Variants in CATSPERT observed in about 807,000 individuals in gnomAD.
The protein encoded by CATSPERT is catsper channel auxiliary subunit tau.
chr2:201,491,541 C>G, the CATSPERT span: 2 of 1,536,566 alleles, frequency 1.3e-6, no homozygotes, highest in South Asian at 2.4e-5. Context: ...TATTTCCTTT[C>G]AATGTCTGAC....
the CATSPERT span, chr2:201,491,695 G>A: frequency 2.0e-6 from 3 of 1,537,030 alleles, no homozygotes; most frequent in Non-Finnish European, 1.7e-6. Context: ...TGGATACGAT[G>A]TTAATACTGC....
At chr2:201,594,074 C>T in the CATSPERT span, among the ~76,000 whole-genome samples, 2 of 152,204 alleles carry the variant, frequency 1.3e-5, no homozygotes, top group South Asian at 2.1e-4. Context: ...TTCCTAGCCT[C>T]GATGGTCTTT....
the CATSPERT span, chr2:201,556,183 A>G: frequency 6.6e-6 from 1 of 152,238 alleles, no homozygotes; most frequent in African/African-American, 2.4e-5. Flanking sequence ...TAAAGGATAC[A>G]AGTAATCCAT....
At chr2:201,492,458 T>A in the CATSPERT span, 1 of 1,533,264 alleles carries the variant, frequency 6.5e-7, no homozygotes, top group Non-Finnish European at 8.7e-7. Context: ...AAAGGATATT[T>A]CATGTTTATT....
At chr2:201,574,165 T>A in the CATSPERT span, 1 of 1,381,526 alleles carries the variant, frequency 7.2e-7, no homozygotes, top group Non-Finnish European at 9.9e-7. Flanking sequence ...ACGATTTGAC[T>A]GAAGAGTTAC....
At chr2:201,581,548 GTATATATATATATATATA>G in the CATSPERT span, among the ~76,000 whole-genome samples, 20 of 9,656 alleles carry the variant, frequency 2.1e-3, 1 homozygote, top group African/African-American at 2.2e-3. Flanking sequence ...AAAAATGTGT[GTATATATATATATATATA>G]TATATATATA....
chr2:201,603,275 C>A, the CATSPERT span: 1 of 1,609,554 alleles, frequency 6.2e-7, no homozygotes, highest in Non-Finnish European at 8.5e-7. Flanking sequence ...AGGCAGCCAA[C>A]CTACAACAAT....
At chr2:201,610,681 A>G in the CATSPERT span, among the ~76,000 whole-genome samples, 1 of 152,214 alleles carries the variant, frequency 6.6e-6, no homozygotes, top group Non-Finnish European at 1.5e-5. Flanking sequence ...CTATAGGTCA[A>G]TATCCCTAAT....
At chr2:201,580,635 C>T in the CATSPERT span, among the ~76,000 whole-genome samples, 1 of 152,058 alleles carries the variant, frequency 6.6e-6, no homozygotes, top group Non-Finnish European at 1.5e-5. Context: ...AATAGGAGTC[C>T]CTGCAATCTG....
At chr2:201,545,704 C>T in the CATSPERT span, 2 of 948,314 alleles carry the variant, frequency 2.1e-6, no homozygotes, top group Non-Finnish European at 2.9e-6. Context: ...ACATTTTCCT[C>T]TGCCTTCATA....
the CATSPERT span, among the ~76,000 whole-genome samples, chr2:201,581,328 C>G: frequency 6.7e-6 from 1 of 149,856 alleles, no homozygotes; most frequent in South Asian, 2.1e-4. Flanking sequence ...ATCCCTTGAG[C>G]CAGGGAGGCA....
At chr2:201,583,691 C>CA in the CATSPERT span, among the ~76,000 whole-genome samples, 1 of 151,998 alleles carries the variant, frequency 6.6e-6, no homozygotes, top group Non-Finnish European at 1.5e-5. Context: ...TCCTAGACCT[C>CA]AAAGAAGTTC....
chr2:201,612,496 C>G, the CATSPERT span, among the ~76,000 whole-genome samples: 1 of 151,644 alleles, frequency 6.6e-6, no homozygotes, highest in Admixed American at 6.6e-5. Flanking sequence ...ATCACTTGAA[C>G]CCGGGAGGCG....
the CATSPERT span, among the ~76,000 whole-genome samples, chr2:201,499,201 G>A: frequency 6.6e-6 from 1 of 152,132 alleles, no homozygotes; most frequent in Non-Finnish European, 1.5e-5. Context: ...AAGAACAAAT[G>A]GAACTAACTC....
At chr2:201,617,631 T>G in the CATSPERT span, among the ~76,000 whole-genome samples, 1 of 152,134 alleles carries the variant, frequency 6.6e-6, no homozygotes, top group African/African-American at 2.4e-5. Flanking sequence ...CCAATACCAT[T>G]CAGGATATAG....
the CATSPERT span, among the ~76,000 whole-genome samples, chr2:201,516,258 T>G: frequency 5.4e-4 from 82 of 152,330 alleles, no homozygotes; most frequent in African/African-American, 1.9e-3. Flanking sequence ...TGTATTAGTT[T>G]GTTTTCACAC....
the CATSPERT span, among the ~76,000 whole-genome samples, chr2:201,545,107 G>A: frequency 2.0e-5 from 3 of 151,958 alleles, no homozygotes; most frequent in East Asian, 1.9e-4. Flanking sequence ...GCAAGATCTC[G>A]GCTCACTGCA....
chr2:201,490,883 C>G, the CATSPERT span, among the ~76,000 whole-genome samples: 2 of 152,068 alleles, frequency 1.3e-5, no homozygotes, highest in African/African-American at 4.8e-5. Flanking sequence ...GCCACCATGC[C>G]CGGCTAATGT....
the CATSPERT span, among the ~76,000 whole-genome samples, chr2:201,525,057 G>A: frequency 6.6e-6 from 1 of 152,120 alleles, no homozygotes; most frequent in African/African-American, 2.4e-5. Flanking sequence ...AGCTCATTGA[G>A]GCAGAAAACT....
Sources: allele counts gnomAD v4.1 joint callset (sites outside exome capture counted in the v4.1 genomes callset), GRCh38; gene constraint gnomAD v4.1.1; transcripts MANE v1.5; gene names NCBI Gene and HGNC (gene_info 2026-07-23, HGNC 2026-07-21).